The following GNA14 variants were observed in gnomAD, a reference collection of about 807,000 sequenced individuals.
GNA14 encodes the protein G protein subunit alpha 14, also known as guanine nucleotide-binding protein subunit alpha-14.
In GNA14, 50 loss-of-function variants were observed where a neutral mutation model predicts 42.0. The ratio of observed to expected loss-of-function variants is 1.19; its 90% CI spans 0.95 to 1.51. The LOEUF (loss-of-function observed/expected upper bound fraction) is 1.51, where lower values mean the gene tolerates loss of function less well. Among genes scored for constraint, GNA14 ranks in the 40% most tolerant of loss-of-function variants. The probability of loss-of-function intolerance (pLI) is 0.00; values close to 1 mark genes in which losing one functional copy is unlikely to be tolerated. For missense variants in GNA14, 473 were observed against 446.2 expected (o/e 1.06, Z -0.54); for synonymous variants, 173 against 163.1 (o/e 1.06, Z -0.46).
At chr9:77,493,567 C>G (rs1209163086) in intron 2 of GNA14, among the ~76,000 whole-genome samples, 1 of 152,166 alleles carries the variant, frequency 6.6e-6, no homozygotes, top group Admixed American at 6.5e-5. Flanking sequence ...ACTCCCCTCA[C>G]AATAGTGTCC....
At chr9:77,471,955 T>C (rs894828819) in intron 2 of GNA14, among the ~76,000 whole-genome samples, 3 of 152,198 alleles carry the variant, frequency 2.0e-5, no homozygotes, top group East Asian at 1.9e-4. Flanking sequence ...AAGCAGCCTA[T>C]TGGGGTTGTT....
intron 1 of GNA14, among the ~76,000 whole-genome samples, chr9:77,570,001 G>A (rs12335883): frequency 0.02 from 3,074 of 152,066 alleles, 110 homozygotes; most frequent in African/African-American, 0.069. Context: ...TCTTGACCTC[G>A]TGATCCGCTT....
At chr9:77,483,847 A>G (rs1836608521) in intron 2 of GNA14, among the ~76,000 whole-genome samples, 1 of 152,008 alleles carries the variant, frequency 6.6e-6, no homozygotes, top group Non-Finnish European at 1.5e-5. Context: ...TCTTTGAGAA[A>G]AAGAGAATAT....
chr9:77,464,191 G>A (rs988850198), intron 2 of GNA14, among the ~76,000 whole-genome samples: 4 of 152,204 alleles, frequency 2.6e-5, no homozygotes, highest in African/African-American at 9.6e-5. Context: ...TGTAGAGATG[G>A]GGTCTTGCCA....
chr9:77,529,044 G>A, intron 2 of GNA14, 25 bp downstream of exon 2: 3 of 1,604,392 alleles, frequency 1.9e-6, no homozygotes, highest in Non-Finnish European at 1.7e-6. Flanking sequence ...TCACAAATAG[G>A]GCAAGCACTC....
chr9:77,477,339 C>G (rs941664011), intron 2 of GNA14, among the ~76,000 whole-genome samples: 1 of 151,942 alleles, frequency 6.6e-6, no homozygotes, highest in Non-Finnish European at 1.5e-5. Flanking sequence ...ACAGCAAGAT[C>G]ATGTCTCAGA....
intron 3 of GNA14, among the ~76,000 whole-genome samples, chr9:77,432,011 A>G (rs1282460097): frequency 1.3e-5 from 2 of 152,228 alleles, no homozygotes; most frequent in African/African-American, 4.8e-5. Context: ...ATCTCCTAAA[A>G]TAACCCAAAA....
At chr9:77,548,849 C>T (rs552010662) in intron 1 of GNA14, among the ~76,000 whole-genome samples, 44 of 152,328 alleles carry the variant, frequency 2.9e-4, no homozygotes, top group Non-Finnish European at 5.6e-4. Flanking sequence ...CCTCAACCAC[C>T]CCAGAAGTGT....
intron 1 of GNA14, among the ~76,000 whole-genome samples, chr9:77,591,292 T>C (rs1446393209): frequency 2.6e-5 from 4 of 152,226 alleles, no homozygotes; most frequent in African/African-American, 7.2e-5. Context: ...TATCAAGTTG[T>C]CCTGGTTGAG....
intron 2 of GNA14, among the ~76,000 whole-genome samples, chr9:77,495,007 C>T (rs548509583): frequency 6.6e-6 from 1 of 152,276 alleles, no homozygotes; most frequent in East Asian, 1.9e-4. Flanking sequence ...GCCATGTTGG[C>T]CAGACTGGTC....
chr9:77,493,962 C>T (rs1836828644), intron 2 of GNA14, among the ~76,000 whole-genome samples: 1 of 152,114 alleles, frequency 6.6e-6, no homozygotes, highest in Admixed American at 6.5e-5. Flanking sequence ...ACTCTGTCAC[C>T]CAGGCTGAAG....
intron 2 of GNA14, among the ~76,000 whole-genome samples, chr9:77,476,788 C>G (rs1427562993): frequency 2.0e-5 from 3 of 152,166 alleles, no homozygotes; most frequent in African/African-American, 7.2e-5. Context: ...GGAGAGAAAG[C>G]TGAAACCTTG....
At chr9:77,436,564 C>T (rs1046509024) in intron 2 of GNA14, among the ~76,000 whole-genome samples, 1 of 152,152 alleles carries the variant, frequency 6.6e-6, no homozygotes, top group Non-Finnish European at 1.5e-5. Flanking sequence ...GGATGGAGAA[C>T]CTGGACAGTG....
intron 5 of GNA14, among the ~76,000 whole-genome samples, chr9:77,426,743 G>T (rs1835459716): frequency 6.6e-6 from 1 of 152,288 alleles, no homozygotes; most frequent in East Asian, 1.9e-4. Context: ...ACTGAGAACA[G>T]ACAGGGCACA....
At chr9:77,456,963 A>G (rs992813764) in intron 2 of GNA14, among the ~76,000 whole-genome samples, 1 of 152,238 alleles carries the variant, frequency 6.6e-6, no homozygotes, top group Non-Finnish European at 1.5e-5. Flanking sequence ...GACTAGGGAC[A>G]GCCAGGACTT....
chr9:77,442,486 G>A (rs1835750249), intron 2 of GNA14, among the ~76,000 whole-genome samples: 1 of 152,216 alleles, frequency 6.6e-6, no homozygotes, highest in Non-Finnish European at 1.5e-5. Flanking sequence ...TTTACTCCTG[G>A]GGCTTCTGTC....
chr9:77,599,177 T>G (rs1157994907), intron 1 of GNA14, among the ~76,000 whole-genome samples: 1 of 152,206 alleles, frequency 6.6e-6, no homozygotes, highest in Non-Finnish European at 1.5e-5. Context: ...TGGATGAGAT[T>G]GTTACCAGAT....
chr9:77,446,181 C>T lies in GNA14; in HGVS notation c.310-11659G>A, dbSNP rs569777234. Among the ~76,000 whole-genome samples, 3 of 152,306 alleles carry T rather than the reference C, an allele frequency of 2.0e-5. No individual in the cohort carries two copies. The South Asian group carries it at 6.2e-4, about 32-fold the overall frequency. On this transcript the variant is annotated intron_variant, in intron 2 of 6. Coordinates refer to ENST00000341700, the MANE Select transcript of GNA14 (RefSeq NM_004297.4). The stretch of plus-strand genomic sequence containing the variant: ...GAGAAGTAACAAATGCTTTGCCCCA[C>T]CTGTGGGCTTCCTGCAGTGGCACAA...
intron 2 of GNA14, among the ~76,000 whole-genome samples, chr9:77,452,405 T>A (rs1835917186): frequency 6.6e-6 from 1 of 152,040 alleles, no homozygotes; most frequent in African/African-American, 2.4e-5. Context: ...TTTATAAGCA[T>A]TTTCCAGAGT....
Sources: allele counts gnomAD v4.1 joint callset (sites outside exome capture counted in the v4.1 genomes callset), GRCh38; gene constraint gnomAD v4.1.1; transcripts MANE v1.5; gene names NCBI Gene and HGNC (gene_info 2026-07-23, HGNC 2026-07-21).